The following RALGAPA2 variants were observed in gnomAD, a reference collection of about 807,000 sequenced individuals.
The protein encoded by RALGAPA2 is ral GTPase-activating protein subunit alpha-2.
RALGAPA2 carries 139 observed loss-of-function variants against 230.4 expected under a neutral mutation model. The ratio of observed to expected loss-of-function variants is 0.60; its 90% CI spans 0.53 to 0.69. The LOEUF is 0.69. RALGAPA2 is among the 30% of genes least tolerant of loss of function. The probability of loss-of-function intolerance (pLI) is 0.00; values close to 1 mark genes in which losing one functional copy is unlikely to be tolerated. For synonymous variants in RALGAPA2, 847 were observed against 837.8 expected (o/e 1.01, Z -0.19); for missense variants, 2,163 against 2,276.0 (o/e 0.95, Z 1.01).
At chr20:20,664,619 C>T (rs2067895480) in intron 3 of RALGAPA2, among the ~76,000 whole-genome samples, 1 of 152,170 alleles carries the variant, frequency 6.6e-6, no homozygotes, top group Admixed American at 6.5e-5. Flanking sequence ...TATTTTCTGC[C>T]TGAAAACTAC....
intron 23 of RALGAPA2, among the ~76,000 whole-genome samples, chr20:20,557,715 A>C (rs2064126917): frequency 6.6e-6 from 1 of 152,204 alleles, no homozygotes. Context: ...AGTACGGAAA[A>C]CACAACACTA....
At chr20:20,580,381 C>A (rs2064949377) in intron 20 of RALGAPA2, among the ~76,000 whole-genome samples, 1 of 152,106 alleles carries the variant, frequency 6.6e-6, no homozygotes, top group South Asian at 2.1e-4. Context: ...AAAATTCAGA[C>A]CCTCCAACTA....
chr20:20,631,806 T>C (rs1467213563), intron 9 of RALGAPA2, among the ~76,000 whole-genome samples: 2 of 152,138 alleles, frequency 1.3e-5, no homozygotes, highest in Non-Finnish European at 2.9e-5. Flanking sequence ...GTAGTGGCCA[T>C]TTCTAGGGAC....
intron 12 of RALGAPA2, 36 bp from the exon 13 acceptor site, chr20:20,616,227 T>G: frequency 7.2e-7 from 1 of 1,379,854 alleles, no homozygotes; most frequent in East Asian, 2.6e-5. Flanking sequence ...AAAATATAAC[T>G]GAACATAAAC....
At chr20:20,613,627 C>A (rs567671371) in intron 13 of RALGAPA2, among the ~76,000 whole-genome samples, 2 of 152,172 alleles carry the variant, frequency 1.3e-5, no homozygotes, top group East Asian at 1.9e-4. Context: ...TCCCCTCTCA[C>A]GCTCCCTCTC....
intron 3 of RALGAPA2, among the ~76,000 whole-genome samples, chr20:20,667,379 G>T (rs1188731749): frequency 6.6e-6 from 1 of 152,102 alleles, no homozygotes; most frequent in Non-Finnish European, 1.5e-5. Context: ...TTCACCACTG[G>T]TCAAATTATG....
At chr20:20,533,409 C>T (rs1229293002) in intron 26 of RALGAPA2, among the ~76,000 whole-genome samples, 1 of 152,078 alleles carries the variant, frequency 6.6e-6, no homozygotes, top group African/African-American at 2.4e-5. Context: ...TAAAGAGTCA[C>T]TACAAACATG....
intron 10 of RALGAPA2, among the ~76,000 whole-genome samples, chr20:20,628,360 C>G (rs935724928): frequency 1.3e-5 from 2 of 152,164 alleles, no homozygotes; most frequent in African/African-American, 4.8e-5. Context: ...AAGGGCTTAA[C>G]CTACTTTTCA....
chr20:20,700,104 C>T (rs751785027), intron 1 of RALGAPA2, among the ~76,000 whole-genome samples: 2 of 152,128 alleles, frequency 1.3e-5, no homozygotes, highest in African/African-American at 2.4e-5. Context: ...GGTACATATA[C>T]ACCATGGAAT....
rs2069917309 is a variant in RALGAPA2 at position 20,712,328 on chromosome 20, T to C, written c.106+47A>G. 1 of 1,436,746 alleles carries C rather than the reference T, an allele frequency of 7.0e-7. No individual in the cohort carries two copies. The highest frequency in any genetic ancestry group is 9.3e-7 in the Non-Finnish European group (1 of 1,078,156). The allele number at this position is 1,436,746 out of a possible 1,614,324, so 89.0% of individuals were successfully genotyped here. On this transcript the variant is annotated intron_variant, in intron 1 of 39. Transcript: ENST00000202677. The surrounding 1 kb of genome is among the most constrained non-coding windows in gnomAD (Gnocchi z 5.5). ...CACAGAGGAGCGCCCTCCCGGCAGGTGCCCCTAACCCGGCGCCCCGACCCC... is the reference window on the plus strand; with the variant it reads ...CACAGAGGAGCGCCCTCCCGGCAGGCGCCCCTAACCCGGCGCCCCGACCCC...
At chr20:20,702,702 T>TA (rs1207421085) in intron 1 of RALGAPA2, among the ~76,000 whole-genome samples, 1 of 152,210 alleles carries the variant, frequency 6.6e-6, no homozygotes, top group African/African-American at 2.4e-5. Flanking sequence ...AGCACATTCT[T>TA]ATGGCTCTCA....
intron 37 of RALGAPA2, among the ~76,000 whole-genome samples, chr20:20,454,106 C>G (rs938922542): frequency 6.6e-6 from 1 of 152,060 alleles, no homozygotes; most frequent in South Asian, 2.1e-4. Flanking sequence ...GAGCTAAGCT[C>G]AACTTAAGGG....
Position 20,508,356 on chromosome 20 carries a change from T to G in RALGAPA2, c.4929-2822A>C, listed in dbSNP as rs572418593. 3.9e-5 allele frequency among the ~76,000 whole-genome samples: 6 copies of G among 152,310 alleles called. No individual in the cohort carries two copies. The South Asian group carries it at 1.2e-3, about 32-fold the overall frequency. On this transcript the variant is annotated intron_variant, in intron 33 of 39. Transcript: ENST00000202677. ...ATTCAGAAACACACATACATGAAAT[T>G]AACAATCTTCCCTTCCTCATTAGAA...
intron 28 of RALGAPA2, among the ~76,000 whole-genome samples, chr20:20,525,183 T>C (rs527957642): frequency 6.6e-6 from 1 of 152,334 alleles, no homozygotes; most frequent in South Asian, 2.1e-4. Context: ...AACATTGGTT[T>C]CCACAGTTTT....
At chr20:20,643,574 T>A in intron 4 of RALGAPA2, 25 bp from the exon 5 acceptor site, 3 of 1,432,190 alleles carry the variant, frequency 2.1e-6, no homozygotes, top group Non-Finnish European at 2.8e-6. Flanking sequence ...TAATGAATTA[T>A]AAATAGAGTA....
At chr20:20,462,570 A>T (rs1368865183) in intron 37 of RALGAPA2, among the ~76,000 whole-genome samples, 1 of 152,226 alleles carries the variant, frequency 6.6e-6, no homozygotes, top group Admixed American at 6.5e-5. Context: ...CCCCTTTTAG[A>T]GTGTGGTAAA....
In RALGAPA2 at chr20:20,642,145, AGGGG is replaced by A; in HGVS notation, c.373-1271_373-1268del. On this transcript the variant is annotated intron_variant, in intron 5 of 39. Coordinates refer to ENST00000202677, the MANE Select transcript of RALGAPA2 (RefSeq NM_020343.4). ...AGGGGAGGGGAGGGGAGGGGAGAGA[AGGGG>A]AGGGGAGGGGAGGGGAGGGGAGGGG... Among the ~76,000 whole-genome samples the A allele has an allele frequency of 1.3e-3, 3 of 2,316 alleles. 1 individual carries two copies. The highest frequency in any genetic ancestry group is 2.3e-3 in the African/African-American group (1 of 444). 1.5% of individuals were successfully genotyped at this position (2,316 alleles called of 152,430 possible). A position where few individuals can be genotyped will look rare whatever the true frequency, so the allele number is the denominator to read the frequency against.
intron 10 of RALGAPA2, among the ~76,000 whole-genome samples, chr20:20,623,826 C>G (rs2066400373): frequency 6.6e-6 from 1 of 152,166 alleles, no homozygotes; most frequent in Non-Finnish European, 1.5e-5. Flanking sequence ...CTGCATTCGT[C>G]ATCTATTTTG....
rs528568636 is a variant in RALGAPA2, at chr20:20,610,110, T to G, written c.1800+1205A>C. ...ACATGTCCTACCCATATTCTAGATA[T>G]GCTTTTTAACATATATCCTCCAAAA... On this transcript the variant is annotated intron_variant, in intron 14 of 39. Coordinates refer to ENST00000202677, the MANE Select transcript of RALGAPA2 (RefSeq NM_020343.4). Among the ~76,000 whole-genome samples, 10 of 150,296 alleles carry G rather than the reference T, an allele frequency of 6.7e-5. No individual in the cohort carries two copies. In the South Asian group the frequency reaches 1.9e-3, roughly 29 times the overall value.
Sources: gnomAD v4.1 joint callset for allele counts (sites outside exome capture counted in the v4.1 genomes callset) on GRCh38, gnomAD v4.1.1 for gene constraint, Gnocchi (gnomAD v3.1) non-coding constraint, MANE v1.5 for transcripts, NCBI Gene and HGNC (gene_info 2026-07-23, HGNC 2026-07-21) for gene names.